The following NUDT7 variants were observed in gnomAD, a reference collection of about 807,000 sequenced individuals.
The protein encoded by NUDT7 is nudix hydrolase 7.
Under a neutral mutation model 13.1 loss-of-function variants are expected in NUDT7, and 19 were observed. The observed-to-expected ratio is 1.45, with a 90% confidence interval of 1.01 to 2.13. NUDT7 has a LOEUF of 2.13. NUDT7 is among the 30% of genes most tolerant of loss of function. The pLI, the probability that NUDT7 is intolerant of heterozygous loss-of-function variation, is 0.00. For missense variants in NUDT7, 360 were observed against 291.7 expected (o/e 1.23, Z -1.71); for synonymous variants, 132 against 109.7 (o/e 1.20, Z -1.27).
intron 2 of NUDT7, among the ~76,000 whole-genome samples, chr16:77,729,653 C>G (rs1463890826): frequency 6.6e-6 from 1 of 152,136 alleles, no homozygotes; most frequent in African/African-American, 2.4e-5. Context: ...TGGTGAAACC[C>G]CATCTCTACT....
intron 2 of NUDT7, among the ~76,000 whole-genome samples, chr16:77,726,490 TG>T (rs1347397487): frequency 6.6e-6 from 1 of 152,134 alleles, no homozygotes; most frequent in East Asian, 1.9e-4. Flanking sequence ...GGTCCATTCT[TG>T]CATTGCTATA....
intron 2 of NUDT7, among the ~76,000 whole-genome samples, chr16:77,729,522 C>T (rs1449694818): frequency 6.6e-6 from 1 of 152,044 alleles, no homozygotes; most frequent in Admixed American, 6.6e-5. Flanking sequence ...TTCAAAATAG[C>T]ATATTTTCTT....
intron 2 of NUDT7, among the ~76,000 whole-genome samples, chr16:77,730,104 A>T (rs1175470850): frequency 6.6e-6 from 1 of 152,198 alleles, no homozygotes. Context: ...CACCACACAT[A>T]ACATACTATC....
intron 2 of NUDT7, among the ~76,000 whole-genome samples, chr16:77,727,192 C>T (rs999443047): frequency 3.3e-5 from 5 of 152,182 alleles, no homozygotes; most frequent in Non-Finnish European, 1.5e-5. Context: ...TCTACCACCC[C>T]CACACCCGTG....
chr16:77,724,026 T>G (rs192218116), intron 1 of NUDT7, among the ~76,000 whole-genome samples: 108 of 152,214 alleles, frequency 7.1e-4, no homozygotes, highest in African/African-American at 2.6e-3. Flanking sequence ...TACCACACAC[T>G]GGGTGTTTTA....
intron 2 of NUDT7, among the ~76,000 whole-genome samples, chr16:77,733,367 T>A (rs2145118538): frequency 6.6e-6 from 1 of 152,274 alleles, no homozygotes; most frequent in Middle Eastern, 3.4e-3. Flanking sequence ...TCAGTGTCCT[T>A]ACAGGGAAAG....
chr16:77,731,244 G>A (rs942074439), intron 2 of NUDT7, among the ~76,000 whole-genome samples: 1 of 152,128 alleles, frequency 6.6e-6, no homozygotes, highest in Non-Finnish European at 1.5e-5. Flanking sequence ...TGGAATAGGT[G>A]TACAAGGCAA....
intron 2 of NUDT7, 134 bp downstream of exon 2, chr16:77,725,718 A>G (rs1597110464): frequency 6.0e-6 from 4 of 670,138 alleles, no homozygotes; most frequent in East Asian, 2.7e-5. Context: ...GAGGCATACA[A>G]CCACAAGCCA....
chr16:77,741,071 T>C (rs2014644288), intron 3 of NUDT7, among the ~76,000 whole-genome samples: 2 of 152,214 alleles, frequency 1.3e-5, no homozygotes, highest in South Asian at 2.1e-4. Context: ...CATTTTTTTC[T>C]TTACTGAGAA....
intron 3 of NUDT7, among the ~76,000 whole-genome samples, chr16:77,739,254 A>G (rs928200427): frequency 3.9e-5 from 6 of 152,254 alleles, no homozygotes; most frequent in African/African-American, 9.6e-5. Flanking sequence ...TGGCTATTCC[A>G]TAACAGAGCA....
At chr16:77,734,231 A>G (rs980619727) in intron 2 of NUDT7, among the ~76,000 whole-genome samples, 6 of 152,216 alleles carry the variant, frequency 3.9e-5, no homozygotes, top group Non-Finnish European at 8.8e-5. Flanking sequence ...TAAATTAAAC[A>G]CTGGTTTATA....
chr16:77,733,413 G>T (rs968451263), intron 2 of NUDT7, among the ~76,000 whole-genome samples: 1 of 152,174 alleles, frequency 6.6e-6, no homozygotes, highest in Admixed American at 6.5e-5. Context: ...TTTTATAAGG[G>T]CATTCATCTC....
At position 77,735,918 on chromosome 16, in the gene NUDT7, C is replaced by T. The variant is rs202017719; in HGVS notation, c.280C>T (p.Gln94Ter). The T allele has an allele frequency of 1.7e-4, 267 of 1,613,908 alleles. No individual in the cohort carries two copies. The highest frequency in any genetic ancestry group is 1.6e-4 in the Middle Eastern group (1 of 6,084). ...DDAATALREAQEEVGLRPHQV... is the reference protein window; with the variant it reads ...DDAATALREA Reference sequence around the variant, plus strand: ...TGCAGCCACAGCTCTCCGGGAAGCCCAGGAGGAAGTGGGTCTCCGTCCTCA... The same window carrying T: ...TGCAGCCACAGCTCTCCGGGAAGCCTAGGAGGAAGTGGGTCTCCGTCCTCA... Residue 94 changes from glutamine to a stop codon, truncating the protein, a stop_gained, in exon 3 of 4, where the codon CAG (glutamine) becomes TAG (stop). Transcript: ENST00000268533. LOFTEE classifies it high-confidence loss of function.
chr16:77,723,244 C>G (rs75446625), intron 1 of NUDT7, among the ~76,000 whole-genome samples: 10,357 of 152,194 alleles, frequency 0.068, 362 homozygotes, highest in Admixed American at 0.1. Context: ...AGCCACCAGC[C>G]CACAGTTTCC....
Position 77,742,107 on chromosome 16 carries a change from T to C in NUDT7, c.*157T>C, listed in dbSNP as rs565950879. 1.1e-4 allele frequency: 146 copies of C among 1,387,398 alleles called. 1 individual carries two copies. The African/African-American group carries it at 1.5e-3, about 15-fold the overall frequency. The allele number at this position is 1,387,398 out of a possible 1,614,324, so 85.9% of individuals were successfully genotyped here. ...TGCCTCTTTTCCAGTTGCCTTCTAT[T>C]GTCTGAAAAAGTAAAAGCCATTCAA... On this transcript the variant is annotated 3_prime_UTR_variant, in exon 4 of 4. Transcript: ENST00000268533.
At chr16:77,734,407 A>G (rs1386757112) in intron 2 of NUDT7, among the ~76,000 whole-genome samples, 1 of 152,172 alleles carries the variant, frequency 6.6e-6, no homozygotes, top group African/African-American at 2.4e-5. Context: ...GCAGATCACG[A>G]GGTCAGAAGA....
At chr16:77,726,454 G>A (rs2014138617) in intron 2 of NUDT7, among the ~76,000 whole-genome samples, 1 of 152,184 alleles carries the variant, frequency 6.6e-6, no homozygotes, top group Non-Finnish European at 1.5e-5. Context: ...GGCTGGGAAT[G>A]GAGTTTCTGG....
Position 77,741,650 on chromosome 16 carries a change from T to G in NUDT7, c.417T>G (p.Ala139=). 1 of 1,614,120 alleles carries G rather than the reference T, an allele frequency of 6.2e-7. No individual in the cohort carries two copies. Among genetic ancestry groups the G allele is most frequent in the African/African-American group, 1.3e-5 (1 of 75,064 alleles). Reference sequence around the variant, plus strand: ...ACTTCCAGGCCCAGCCGAATCCTGCTGAAGTTAAGGATGTATTCCTGGTGC... The same window carrying G: ...ACTTCCAGGCCCAGCCGAATCCTGCGGAAGTTAAGGATGTATTCCTGGTGC... ...DHNFQAQPNP[A]EVKDVFLVPL... is the part of the protein sequence containing the mutation. Residue 139 remains alanine, a synonymous_variant, in exon 4 of 4, where the codon GCT becomes GCG. Transcript: ENST00000268533.
In NUDT7 at chr16:77,742,168, AC is replaced by A; in HGVS notation, c.*221del. Reference sequence around the variant, plus strand: ...TATGTTCATAGTGTTGCATATTTTCACCCACAATATGTTAATAATATTTTTC... The same window carrying A: ...TATGTTCATAGTGTTGCATATTTTCACCACAATATGTTAATAATATTTTTC... On this transcript the variant is annotated 3_prime_UTR_variant, in exon 4 of 4. Transcript: ENST00000268533. 2 of 1,158,864 alleles carry A rather than the reference AC, an allele frequency of 1.7e-6. No homozygotes were observed. Among genetic ancestry groups the A allele is most frequent in the Non-Finnish European group, 2.2e-6 (2 of 912,760 alleles). 71.8% of individuals were successfully genotyped at this position (1,158,864 alleles called of 1,614,324 possible). A position where few individuals can be genotyped will look rare whatever the true frequency, so the allele number is the denominator to read the frequency against.
Sources: allele counts gnomAD v4.1 joint callset (sites outside exome capture counted in the v4.1 genomes callset), GRCh38; gene constraint gnomAD v4.1.1; transcripts MANE v1.5; gene names NCBI Gene and HGNC (gene_info 2026-07-23, HGNC 2026-07-21).